Variants in RFPL1 observed in about 807,000 individuals in gnomAD.
RFPL1 encodes the protein ret finger protein-like 1.
A neutral mutation model predicts 9.6 loss-of-function variants in RFPL1; 6 were observed. That is an observed-to-expected ratio of 0.62 (90% CI 0.34 to 1.23). The LOEUF (loss-of-function observed/expected upper bound fraction) is 1.23. RFPL1 is among the 50% of genes most tolerant of loss of function. The probability of loss-of-function intolerance (pLI) is 0.03; values close to 1 mark genes in which losing one functional copy is unlikely to be tolerated. For missense variants in RFPL1, 352 were observed against 398.4 expected, an observed-to-expected ratio of 0.88 and a Z score of 0.99; for synonymous variants, 145 against 149.4, an observed-to-expected ratio of 0.97 and a Z score of 0.22.
At chr22:29,388,753 C>G in the RFPL1 span, among the ~76,000 whole-genome samples, 1 of 152,242 alleles carries the variant, frequency 6.6e-6, no homozygotes, top group South Asian at 2.1e-4. Context: ...GAAACCATCC[C>G]GCTAGCCAAT....
the RFPL1 span, among the ~76,000 whole-genome samples, chr22:29,398,349 T>G: frequency 1.3e-5 from 2 of 152,358 alleles, no homozygotes; most frequent in South Asian, 4.1e-4. Context: ...GTGATGATGA[T>G]GGCGGTGCCA....
At chr22:29,404,384 T>C in the RFPL1 span, among the ~76,000 whole-genome samples, 1 of 152,284 alleles carries the variant, frequency 6.6e-6, no homozygotes, top group Non-Finnish European at 1.5e-5. Context: ...TAATTGATTG[T>C]GCATTATGTA....
the RFPL1 span, among the ~76,000 whole-genome samples, chr22:29,390,582 T>TTTTATTTA: frequency 0.11 from 15,890 of 146,852 alleles, 1,012 homozygotes; most frequent in East Asian, 0.29. Flanking sequence ...CTTATTCCAT[T>TTTTATTTA]TTTATTTATT....
the RFPL1 span, among the ~76,000 whole-genome samples, chr22:29,395,137 C>T: frequency 2.2e-4 from 33 of 152,248 alleles, no homozygotes; most frequent in East Asian, 4.3e-3. Context: ...TTCCCCTCTG[C>T]GCCCACTAGA....
chr22:29,418,218 G>A, the RFPL1 span, among the ~76,000 whole-genome samples: 90 of 152,128 alleles, frequency 5.9e-4, no homozygotes, highest in South Asian at 6.9e-3. Flanking sequence ...GTGAGCCACC[G>A]CACCCAGCCT....
chr22:29,391,882 G>A, the RFPL1 span, among the ~76,000 whole-genome samples: 187 of 152,286 alleles, frequency 1.2e-3, no homozygotes, highest in African/African-American at 4.2e-3. Flanking sequence ...TAGTCAGATG[G>A]GTGAGGCTAA....
chr22:29,441,649 G>A lies in RFPL1; in HGVS notation c.481G>A (p.Glu161Lys), dbSNP rs60550593. 1.3e-3 allele frequency: 2,057 copies of A among 1,613,916 alleles called. 30 individuals carry two copies. The African/African-American group carries it at 0.024, about 19-fold the overall frequency. ...CACACAGAATCGGCAAGACCTTGCC[G>A]AGAGATTTGACGTGTCCATTTGCAT... Residue 161 changes from glutamate (E) to lysine (K), a missense_variant, in exon 2 of 2, where the codon GAG becomes AAG. Physicochemically the swap from Glu to Lys is moderately conservative, Grantham distance 56. Transcript: ENST00000354373.
the RFPL1 span, among the ~76,000 whole-genome samples, chr22:29,418,142 G>A: frequency 9.2e-5 from 14 of 152,030 alleles, no homozygotes; most frequent in African/African-American, 3.4e-4. Flanking sequence ...TCTTGGCCAG[G>A]TGGTCTTGAA....
intron 1 of RFPL1, 49 bp from the exon 2 acceptor site, chr22:29,441,492 TG>T: frequency 6.4e-7 from 1 of 1,563,342 alleles, no homozygotes. Context: ...AGGAGAGGCA[TG>T]GGGTTGGCTT....
chr22:29,397,977 C>T, the RFPL1 span, among the ~76,000 whole-genome samples: 1 of 152,180 alleles, frequency 6.6e-6, no homozygotes, highest in African/African-American at 2.4e-5. Context: ...GGGGGGTTGG[C>T]ATCTGGCTTG....
At chr22:29,401,185 A>G in the RFPL1 span, among the ~76,000 whole-genome samples, 1 of 152,254 alleles carries the variant, frequency 6.6e-6, no homozygotes, top group South Asian at 2.1e-4. Context: ...TTGTTCTTAT[A>G]TAACAGTTTT....
the RFPL1 span, among the ~76,000 whole-genome samples, chr22:29,423,888 G>C: frequency 1.3e-5 from 2 of 152,174 alleles, no homozygotes; most frequent in African/African-American, 2.4e-5. Context: ...CTAGAGCAAA[G>C]CTCACGGTGT....
At chr22:29,396,825 G>A in the RFPL1 span, among the ~76,000 whole-genome samples, 3 of 150,494 alleles carry the variant, frequency 2.0e-5, no homozygotes, top group Non-Finnish European at 4.4e-5. Flanking sequence ...ATGTGCTCAA[G>A]TGATCCACCC....
chr22:29,425,072 C>T, the RFPL1 span, among the ~76,000 whole-genome samples: 29 of 150,678 alleles, frequency 1.9e-4, no homozygotes, highest in Admixed American at 1.3e-3. Flanking sequence ...GGCGTGGTGG[C>T]AGGCGCCTGT....
At chr22:29,427,565 C>T in the RFPL1 span, among the ~76,000 whole-genome samples, 1 of 152,212 alleles carries the variant, frequency 6.6e-6, no homozygotes, top group South Asian at 2.1e-4. Flanking sequence ...GATTCAACAG[C>T]TTGTGATTCT....
the RFPL1 span, among the ~76,000 whole-genome samples, chr22:29,391,339 T>C: frequency 6.6e-6 from 1 of 152,144 alleles, no homozygotes; most frequent in East Asian, 1.9e-4. Context: ...CACACGATCT[T>C]TCCTCTGTGT....
chr22:29,424,025 A>G, the RFPL1 span, among the ~76,000 whole-genome samples: 1 of 152,084 alleles, frequency 6.6e-6, no homozygotes, highest in Admixed American at 6.6e-5. Flanking sequence ...CTAAAAATAC[A>G]AAAAATTAGC....
chr22:29,411,644 A>G, the RFPL1 span, among the ~76,000 whole-genome samples: 1 of 152,176 alleles, frequency 6.6e-6, no homozygotes, highest in Non-Finnish European at 1.5e-5. Context: ...CTAATCTTTA[A>G]GAGTTAATTT....
chr22:29,410,565 TATATATTGTAG>T, the RFPL1 span, among the ~76,000 whole-genome samples: 8 of 90,756 alleles, frequency 8.8e-5, no homozygotes, highest in Non-Finnish European at 1.3e-4. Context: ...ATTGTAGATA[TATATATTGTAG>T]ATATATCTAT....
Sources: gnomAD v4.1 joint callset for allele counts (sites outside exome capture counted in the v4.1 genomes callset) on GRCh38, gnomAD v4.1.1 for gene constraint, MANE v1.5 for transcripts, NCBI Gene and HGNC (gene_info 2026-07-23, HGNC 2026-07-21) for gene names.